FHIT: variants seen among roughly 807,000 people sequenced by gnomAD.
FHIT encodes bis(5'-adenosyl)-triphosphatase.
In FHIT, 19 loss-of-function variants were observed where a neutral mutation model predicts 17.9. The ratio of observed to expected loss-of-function variants is 1.06; its 90% CI spans 0.74 to 1.56. FHIT has a LOEUF of 1.56. Ranked by LOEUF, FHIT falls within the 40% of genes most tolerant of loss-of-function variation. The pLI is 0.00. For missense variants in FHIT, 248 were observed against 189.2 expected (o/e 1.31, Z -1.82); for synonymous variants, 81 against 69.7 (o/e 1.16, Z -0.81).
intron 8 of FHIT, among the ~76,000 whole-genome samples, chr3:59,911,282 C>T (rs1410768716): frequency 1.3e-5 from 2 of 152,156 alleles, no homozygotes; most frequent in African/African-American, 2.4e-5. Flanking sequence ...TATAGACACA[C>T]ACTCACACAC....
At chr3:61,194,828 A>G (rs907445329) in intron 2 of FHIT, among the ~76,000 whole-genome samples, 3 of 152,210 alleles carry the variant, frequency 2.0e-5, no homozygotes, top group African/African-American at 7.2e-5. Flanking sequence ...AAGCTCTATT[A>G]ACACCAAAAG....
At chr3:60,596,928 T>C in intron 4 of FHIT, among the ~76,000 whole-genome samples, 1 of 152,132 alleles carries the variant, frequency 6.6e-6, no homozygotes, top group East Asian at 1.9e-4. Context: ...TCAGATATTT[T>C]AGTGAAAAAA....
intron 3 of FHIT, among the ~76,000 whole-genome samples, chr3:60,985,951 T>C (rs1490138680): frequency 6.6e-6 from 1 of 152,222 alleles, no homozygotes; most frequent in Non-Finnish European, 1.5e-5. Flanking sequence ...CTCATGGCCC[T>C]TCTCTTGCAT....
intron 5 of FHIT, among the ~76,000 whole-genome samples, chr3:60,400,314 G>A (rs541816402): frequency 7.2e-4 from 109 of 152,230 alleles, no homozygotes; most frequent in African/African-American, 2.4e-3. Context: ...TGTGAAGCAC[G>A]GGATGGAGGA....
At chr3:60,534,961 A>C (rs2035928251) in intron 5 of FHIT, among the ~76,000 whole-genome samples, 1 of 152,252 alleles carries the variant, frequency 6.6e-6, no homozygotes, top group Non-Finnish European at 1.5e-5. Context: ...CTGAAATATC[A>C]AATTACTCTC....
intron 4 of FHIT, among the ~76,000 whole-genome samples, chr3:60,652,081 C>G (rs1477705260): frequency 3.9e-5 from 6 of 152,122 alleles, no homozygotes; most frequent in Admixed American, 2.0e-4. Context: ...GGAGGGCCGA[C>G]CTGCCTGGTT....
At chr3:59,804,538 A>G (rs931873954) in intron 8 of FHIT, among the ~76,000 whole-genome samples, 5 of 152,234 alleles carry the variant, frequency 3.3e-5, no homozygotes, top group African/African-American at 1.2e-4. Flanking sequence ...GCCCGAGCAT[A>G]GGGGCTCAAG....
chr3:60,085,653 C>T (rs115398670), intron 5 of FHIT, among the ~76,000 whole-genome samples: 1,524 of 152,248 alleles, frequency 0.01, 30 homozygotes, highest in African/African-American at 0.033. Flanking sequence ...TAGCCAGAAA[C>T]ACAATTATAG....
At chr3:61,037,507 T>C (rs533012414) in intron 3 of FHIT, among the ~76,000 whole-genome samples, 1 of 152,294 alleles carries the variant, frequency 6.6e-6, no homozygotes, top group East Asian at 1.9e-4. Context: ...TTAAAATATA[T>C]ATAATTAGCA....
chr3:60,508,802 G>A (rs1434777960), intron 5 of FHIT, among the ~76,000 whole-genome samples: 3 of 151,872 alleles, frequency 2.0e-5, no homozygotes, highest in African/African-American at 7.3e-5. Flanking sequence ...TTTAGAGTAG[G>A]TACTTATGGC....
chr3:60,703,584 T>G (rs1311909642), intron 4 of FHIT, among the ~76,000 whole-genome samples: 1 of 152,196 alleles, frequency 6.6e-6, no homozygotes, highest in Non-Finnish European at 1.5e-5. Context: ...TACTTCCACA[T>G]ATGAAAATGA....
At position 60,027,148 on chromosome 3, in the gene FHIT, C is replaced by CACACACAGACAAAAA. The variant is rs1553654525; in HGVS notation, c.104-12997_104-12996insTTTTTGTCTGTGTGT. 2.1e-4 allele frequency among the ~76,000 whole-genome samples: 26 copies of CACACACAGACAAAAA among 125,748 alleles called. 1 individual carries two copies. The highest frequency in any genetic ancestry group is 7.1e-4 in the African/African-American group (26 of 36,846). 82.5% of individuals were successfully genotyped at this position (125,748 alleles called of 152,430 possible). ...ACACACACACACACACACACACACA[C>CACACACAGACAAAAA]AAAATTAGTAAACCCAATAATCCAC... On this transcript the variant is annotated intron_variant, in intron 5 of 9. Transcript: ENST00000492590.
In FHIT at chr3:59,747,987, T is replaced by G. The variant is rs1421932240; in HGVS notation, c.*1598A>C. ...AGTAGGTTATTCTCTTTAATCCTTC[T>G]GAATATGCCAAATGGAGAGTTTCGG... On this transcript the variant is annotated 3_prime_UTR_variant, in exon 10 of 10. Transcript: ENST00000492590. Among the ~76,000 whole-genome samples the G allele has an allele frequency of 6.6e-6, 1 of 152,182 alleles. No homozygotes were observed. Among genetic ancestry groups the G allele is most frequent in the African/African-American group, 2.4e-5 (1 of 41,436 alleles).
chr3:59,805,168 C>CACTT (rs1438823008), intron 8 of FHIT, among the ~76,000 whole-genome samples: 1 of 152,096 alleles, frequency 6.6e-6, no homozygotes, highest in Non-Finnish European at 1.5e-5. Context: ...GCTCTGTGGG[C>CACTT]ACTTACTCCT....
At chr3:59,751,951 C>T (rs1700931275) in intron 9 of FHIT, 1 of 373,356 alleles carries the variant, frequency 2.7e-6, no homozygotes, top group South Asian at 7.5e-5. Flanking sequence ...GGAGGAGCAC[C>T]ACCGCAGGAA....
intron 4 of FHIT, among the ~76,000 whole-genome samples, chr3:60,802,331 T>C (rs1481435410): frequency 3.3e-5 from 5 of 152,324 alleles, no homozygotes; most frequent in Admixed American, 3.3e-4. Context: ...TACCAGCTAC[T>C]TTATTTTCAG....
chr3:61,044,089 C>T (rs554326469), intron 2 of FHIT, among the ~76,000 whole-genome samples: 13 of 152,274 alleles, frequency 8.5e-5, no homozygotes, highest in South Asian at 2.1e-4. Context: ...TCGAAAGGAA[C>T]GCAGCTGCTC....
chr3:60,062,929 G>A (rs1043174262), intron 5 of FHIT, among the ~76,000 whole-genome samples: 1 of 152,128 alleles, frequency 6.6e-6, no homozygotes, highest in East Asian at 1.9e-4. Flanking sequence ...TCCAGTAGGA[G>A]AGAAGAAGTG....
intron 5 of FHIT, among the ~76,000 whole-genome samples, chr3:60,515,189 T>A (rs2107551700): frequency 6.6e-6 from 1 of 152,102 alleles, no homozygotes; most frequent in African/African-American, 2.4e-5. Flanking sequence ...TCCATCCTAG[T>A]GTGAGCGGAA....
Sources: gnomAD v4.1 joint callset for allele counts (sites outside exome capture counted in the v4.1 genomes callset) on GRCh38, gnomAD v4.1.1 for gene constraint, MANE v1.5 for transcripts, NCBI Gene and HGNC (gene_info 2026-07-23, HGNC 2026-07-21) for gene names.